The following RCSD1 variants were observed in gnomAD, a reference collection of about 807,000 sequenced individuals.
The protein encoded by RCSD1 is RCSD domain containing 1, also known as capZ-interacting protein.
A neutral mutation model predicts 42.5 loss-of-function variants in RCSD1; 26 were observed. The observed-to-expected ratio is 0.61, with a 90% CI of 0.45 to 0.85. RCSD1 has a LOEUF of 0.85. Among genes scored for constraint, RCSD1 ranks in the 40% least tolerant of loss-of-function variants. The pLI is 0.00. For synonymous variants in RCSD1, 220 were observed against 212.2 expected (o/e 1.04, Z -0.32); for missense variants, 571 against 528.3 (o/e 1.08, Z -0.79).
rs375805662 is a variant in RCSD1 at position 167,683,907 on chromosome 1, C to A, written c.14C>A (p.Pro5Gln). 5.3e-5 allele frequency: 86 copies of A among 1,613,988 alleles called. No homozygotes were observed. In the South Asian group the frequency reaches 9.2e-4, roughly 17 times the overall value. ...TTCTTCTCCATTTGCCAGGAAAGAC[C>A]GGCAGAGACCAATGCCAATGTGGAC... is the stretch of plus-strand genomic sequence containing the variant. The part of the protein sequence containing the change: MEER[P>Q]AETNANVDNS... Residue 5 changes from proline (P) to glutamine (Q), a missense_variant, in exon 2 of 7, where the codon CCG (proline) becomes CAG (glutamine). Physicochemically the swap from Pro to Gln is moderately conservative, Grantham distance 76. Transcript: ENST00000367854.
intron 6 of RCSD1, among the ~76,000 whole-genome samples, chr1:167,699,630 T>C (rs1659591821): frequency 6.6e-6 from 1 of 152,252 alleles, no homozygotes; most frequent in Non-Finnish European, 1.5e-5. Context: ...CTTGAGATTC[T>C]TAGTTACATC....
At chr1:167,657,967 A>ACCCAGGCTGGAGTGCAGTGGTGCGAT (rs1227306346) in intron 1 of RCSD1, among the ~76,000 whole-genome samples, 13 of 151,948 alleles carry the variant, frequency 8.6e-5, no homozygotes. Context: ...TCACTCTGTC[A>ACCCAGGCTGGAGTGCAGTGGTGCGAT]CCCAGGCTGG....
At chr1:167,695,158 C>A (rs1227214306) in intron 5 of RCSD1, among the ~76,000 whole-genome samples, 3 of 152,242 alleles carry the variant, frequency 2.0e-5, no homozygotes, top group Non-Finnish European at 4.4e-5. Context: ...AGGCTTGAGC[C>A]TGCCGGCTAG....
At chr1:167,648,676 G>A (rs1052833091) in intron 1 of RCSD1, among the ~76,000 whole-genome samples, 1 of 150,968 alleles carries the variant, frequency 6.6e-6, no homozygotes, top group African/African-American at 2.4e-5. Flanking sequence ...CAGATAGGGG[G>A]AAGTTACATA....
chr1:167,691,447 T>G (rs1659375417), intron 4 of RCSD1, among the ~76,000 whole-genome samples: 1 of 152,126 alleles, frequency 6.6e-6, no homozygotes, highest in South Asian at 2.1e-4. Context: ...GAAGCTAAAG[T>G]GCGGAGGAGA....
In RCSD1 at chr1:167,694,009, C is replaced by A. The variant is rs1313787217; in HGVS notation, c.271-90C>A. 3 of 1,283,202 alleles carry A rather than the reference C, an allele frequency of 2.3e-6. No individual in the cohort carries two copies. The Admixed American group carries it at 5.5e-5, about 24-fold the overall frequency. The allele number at this position is 1,283,202 out of a possible 1,614,324, so 79.5% of individuals were successfully genotyped here. A position where few individuals can be genotyped will look rare whatever the true frequency, so the allele number is the denominator to read the frequency against. On this transcript the variant is annotated intron_variant, in intron 4 of 6. Transcript: ENST00000367854. ...AAGCCTGGTGTTACCTAGTCTCAAC[C>A]AGGCCTGAGGCCAGATAACCAACAA...
chr1:167,647,571 A>T (rs905062167), intron 1 of RCSD1, among the ~76,000 whole-genome samples: 1 of 152,056 alleles, frequency 6.6e-6, no homozygotes. Flanking sequence ...AACTAACTAA[A>T]TTAATTAAAT....
intron 1 of RCSD1, among the ~76,000 whole-genome samples, chr1:167,675,624 G>C (rs1305055550): frequency 2.0e-5 from 3 of 152,148 alleles, no homozygotes; most frequent in African/African-American, 7.2e-5. Context: ...TGGACAGCTG[G>C]GATGTGTGAG....
intron 1 of RCSD1, among the ~76,000 whole-genome samples, chr1:167,670,553 CT>C (rs1277730844): frequency 2.0e-5 from 3 of 152,166 alleles, no homozygotes; most frequent in African/African-American, 7.2e-5. Flanking sequence ...CCTCTGCAGC[CT>C]TTGCTCACCC....
At chr1:167,642,417 C>G (rs1482633261) in intron 1 of RCSD1, among the ~76,000 whole-genome samples, 1 of 152,206 alleles carries the variant, frequency 6.6e-6, no homozygotes, top group Non-Finnish European at 1.5e-5. Flanking sequence ...AAAACTGCTT[C>G]ATAAGCACAA....
chr1:167,684,935 T>A (rs1004968173), intron 2 of RCSD1, among the ~76,000 whole-genome samples: 1 of 152,220 alleles, frequency 6.6e-6, no homozygotes, highest in African/African-American at 2.4e-5. Flanking sequence ...GAGAGAAATC[T>A]ATCGTGGCCC....
At chr1:167,686,056 TA>T (rs528248219) in intron 3 of RCSD1, among the ~76,000 whole-genome samples, 57 of 152,186 alleles carry the variant, frequency 3.7e-4, no homozygotes, top group Non-Finnish European at 7.2e-4. Flanking sequence ...GTTACCAACA[TA>T]ATAAAGGCTC....
chr1:167,694,406 C>T (rs1390299952), intron 5 of RCSD1, 104 bp downstream of exon 5: 12 of 1,110,236 alleles, frequency 1.1e-5, no homozygotes, highest in Admixed American at 6.4e-5. Context: ...AGGAAACATT[C>T]GGAGTTACTG....
Position 167,651,850 on chromosome 1 carries a change from G to C in RCSD1, c.6+21421G>C, listed in dbSNP as rs368689801. On this transcript the variant is annotated intron_variant, in intron 1 of 6. Transcript: ENST00000367854. ...AGGCCTTCTCCCCGCTGTTCTTGAG[G>C]GGGGCTGCGTTCCTCCCTGACCTCC... Among the ~76,000 whole-genome samples, 34 of 152,142 alleles carry C rather than the reference G, an allele frequency of 2.2e-4. No homozygotes were observed. In the East Asian group the frequency reaches 2.7e-3, roughly 12 times the overall value.
intron 1 of RCSD1, chr1:167,663,559 G>A (rs1453957259): frequency 6.6e-6 from 1 of 152,278 alleles, no homozygotes; most frequent in Admixed American, 6.5e-5. Context: ...CATGGCTGGA[G>A]GCCAGAATCA....
Position 167,697,280 on chromosome 1 carries a change from C to T in RCSD1, c.656C>T (p.Ser219Phe), listed in dbSNP as rs1659520045. 6.2e-7 allele frequency: 1 copy of T among 1,613,980 alleles called. No individual in the cohort carries two copies. The highest frequency in any genetic ancestry group is 1.3e-5 in the African/African-American group (1 of 74,878). ...AGCAAGGCCCCAGGATCCCCTTTGTCCAGTGAGGGAGCAGCGGGAGAGGGA... is the reference window on the plus strand; with the variant it reads ...AGCAAGGCCCCAGGATCCCCTTTGTTCAGTGAGGGAGCAGCGGGAGAGGGA... ...SKSKAPGSPLSSEGAAGEGVR... is the reference protein window; with the variant it reads ...SKSKAPGSPLFSEGAAGEGVR... The change falls in exon 6 of 7, where the codon TCC becomes TTC. Residue 219 changes from serine to phenylalanine, a missense_variant. Transcript: ENST00000367854.
At chr1:167,666,693 G>A (rs1658665700) in intron 1 of RCSD1, among the ~76,000 whole-genome samples, 1 of 152,164 alleles carries the variant, frequency 6.6e-6, no homozygotes, top group Admixed American at 6.5e-5. Flanking sequence ...GAAGAGAGAG[G>A]GCTGGCCATC....
chr1:167,661,303 C>A (rs1020085645), intron 1 of RCSD1, among the ~76,000 whole-genome samples: 2 of 152,188 alleles, frequency 1.3e-5, no homozygotes, highest in African/African-American at 2.4e-5. Flanking sequence ...GGACTAGACC[C>A]TGCACTTCTA....
At chr1:167,672,509 G>A (rs2102222825) in intron 1 of RCSD1, among the ~76,000 whole-genome samples, 1 of 152,274 alleles carries the variant, frequency 6.6e-6, no homozygotes, top group South Asian at 2.1e-4. Context: ...AGCTTCTAGA[G>A]GCTGCCTGCA....
Sources: gnomAD v4.1 joint callset for allele counts (sites outside exome capture counted in the v4.1 genomes callset) on GRCh38, gnomAD v4.1.1 for gene constraint, MANE v1.5 for transcripts, NCBI Gene and HGNC (gene_info 2026-07-23, HGNC 2026-07-21) for gene names.